The following CRHR2 variants were observed in gnomAD, a reference collection of about 807,000 sequenced individuals.
CRHR2 encodes the protein corticotropin releasing hormone receptor 2.
Under a neutral mutation model 57.9 loss-of-function variants are expected in CRHR2, and 53 were observed. The observed-to-expected ratio is 0.92, with a 90% CI of 0.73 to 1.15. The LOEUF (loss-of-function observed/expected upper bound fraction) is 1.15. Among genes scored for constraint, CRHR2 ranks in the 50% most tolerant of loss-of-function variants. CRHR2 has a pLI of 0.00. For synonymous variants in CRHR2, 213 were observed against 220.9 expected, an observed-to-expected ratio of 0.96 and a Z score of 0.32; for missense variants, 532 against 542.6, an observed-to-expected ratio of 0.98 and a Z score of 0.19.
At chr7:30,659,723 A>G (rs1311979720) in intron 8 of CRHR2, among the ~76,000 whole-genome samples, 1 of 152,254 alleles carries the variant, frequency 6.6e-6, no homozygotes, top group African/African-American at 2.4e-5. Context: ...AATAAAAGAG[A>G]TAAATAATAA....
chr7:30,685,540 T>A (rs770554275), upstream of CRHR2, among the ~76,000 whole-genome samples: 1 of 152,132 alleles, frequency 6.6e-6, no homozygotes, highest in Non-Finnish European at 1.5e-5. Context: ...GGTGCTGCAC[T>A]TTTGCCCTGT....
At position 30,656,356 on chromosome 7, in the gene CRHR2, TC is replaced by T. The variant is rs1783789320; in HGVS notation, c.832-345del. ...TATAGGGACCCTATGGGAGCCCCCT[TC>T]CCCTCACTGCCACGGGGTCCCTACT... On this transcript the variant is annotated intron_variant, in intron 8 of 11. Transcript: ENST00000471646. The surrounding 1 kb of genome is among the most constrained non-coding windows in gnomAD (Gnocchi z 4.4). 6.6e-6 allele frequency among the ~76,000 whole-genome samples: 1 copy of T among 152,144 alleles called. No homozygotes were observed.
At chr7:30,662,101 C>T (rs144460426) in intron 7 of CRHR2, 55 bp downstream of exon 7, 2 of 1,596,148 alleles carry the variant, frequency 1.3e-6, no homozygotes, top group African/African-American at 1.3e-5. Flanking sequence ...GCTGACCTGT[C>T]CTAACACCCC....
chr7:30,655,590 T>C lies in CRHR2; in HGVS notation c.1043A>G (p.Gln348Arg). ...IMFIYFNSFLQSFQGFFVSVF... is the reference protein window; with the variant it reads ...IMFIYFNSFLRSFQGFFVSVF... ...GGTCACAGGCCCCACCTGGAACGAC[T>C]GCAGGAAGGAGTTGAAATAGATGAA... The change falls in exon 10 of 12, where the codon CAG (glutamine) becomes CGG (arginine). Residue 348 changes from glutamine (Q) to arginine (R), a missense_variant. Coordinates refer to ENST00000471646, the MANE Select transcript of CRHR2 (RefSeq NM_001883.5). 1 of 1,613,176 alleles carries C rather than the reference T, an allele frequency of 6.2e-7. No homozygotes were observed.
At chr7:30,686,486 A>G (rs1436193688), upstream of CRHR2, 33 of 1,516,356 alleles carry the variant, frequency 2.2e-5, no homozygotes, top group Admixed American at 5.4e-4. Context: ...TGTTGCATTG[A>G]GGAATTATTT....
intron 5 of CRHR2, among the ~76,000 whole-genome samples, chr7:30,664,013 G>A (rs1584096155): frequency 6.6e-6 from 1 of 152,310 alleles, no homozygotes; most frequent in Admixed American, 6.5e-5. Flanking sequence ...AAGTCCTGCT[G>A]AGGTGGGAAG....
At chr7:30,686,114 C>G (rs1174035409), upstream of CRHR2, among the ~76,000 whole-genome samples, 2 of 152,216 alleles carry the variant, frequency 1.3e-5, no homozygotes, top group Non-Finnish European at 2.9e-5. Flanking sequence ...GTGTCACTAC[C>G]AGAAACCATT....
intron 1 of CRHR2, chr7:30,689,314 A>G: frequency 2.0e-6 from 3 of 1,534,572 alleles, no homozygotes; most frequent in Non-Finnish European, 2.6e-6. Flanking sequence ...AGGGTCAAAG[A>G]TCAGGCCCAG....
intron 1 of CRHR2, among the ~76,000 whole-genome samples, chr7:30,694,558 C>G (rs1400863226): frequency 6.6e-6 from 1 of 152,208 alleles, no homozygotes; most frequent in East Asian, 1.9e-4. Context: ...GGGAGATTTA[C>G]AGGACCATGT....
intron 6 of CRHR2, 67 bp from the exon 7 acceptor site, chr7:30,662,283 TG>T: frequency 3.2e-6 from 5 of 1,560,422 alleles, no homozygotes; most frequent in Non-Finnish European, 4.4e-6. Context: ...GGACATACCG[TG>T]GGGTACCACA....
chr7:30,659,576 C>T (rs1053453649), intron 8 of CRHR2, among the ~76,000 whole-genome samples: 30 of 152,144 alleles, frequency 2.0e-4, no homozygotes, highest in African/African-American at 5.8e-4. Context: ...GCCTCTGAAG[C>T]GAACCAAGCC....
At chr7:30,679,413 A>G (rs1784624272) in intron 2 of CRHR2, among the ~76,000 whole-genome samples, 1 of 152,178 alleles carries the variant, frequency 6.6e-6, no homozygotes, top group African/African-American at 2.4e-5. Context: ...CTTGCCTGCA[A>G]TATGGGCATA....
rs538408922 is a variant in CRHR2, at chr7:30,655,446, C to T, written c.1053+134G>A. On this transcript the variant is annotated intron_variant, in intron 10 of 11. Coordinates refer to ENST00000471646, the MANE Select transcript of CRHR2 (RefSeq NM_001883.5). Reference sequence around the variant, plus strand: ...TGGCCAGGCTCAGGCTGAGCATGTACGGGCTTCTAACTCTGTGGATGTAAC... The same window carrying T: ...TGGCCAGGCTCAGGCTGAGCATGTATGGGCTTCTAACTCTGTGGATGTAAC... 100 of 1,144,250 alleles carry T rather than the reference C, an allele frequency of 8.7e-5. 1 individual carries two copies. In the South Asian group the frequency reaches 1.2e-3, roughly 14 times the overall value. 70.9% of individuals were successfully genotyped at this position (1,144,250 alleles called of 1,614,324 possible).
At chr7:30,681,241 A>G (rs1784695439) in intron 2 of CRHR2, among the ~76,000 whole-genome samples, 1 of 152,090 alleles carries the variant, frequency 6.6e-6, no homozygotes, top group Admixed American at 6.5e-5. Flanking sequence ...TCTCCTTGAG[A>G]GATGGTGTTG....
intron 1 of CRHR2, among the ~76,000 whole-genome samples, chr7:30,690,436 G>C (rs1164781746): frequency 6.8e-6 from 1 of 147,942 alleles, no homozygotes; most frequent in African/African-American, 2.5e-5. Context: ...GTGTGTGTGA[G>C]TACATGCACA....
intron 1 of CRHR2, among the ~76,000 whole-genome samples, chr7:30,697,654 G>C (rs1394492318): frequency 6.6e-6 from 1 of 152,082 alleles, no homozygotes; most frequent in Non-Finnish European, 1.5e-5. Flanking sequence ...GATCAGACCA[G>C]GCACCTCCCC....
In CRHR2 at chr7:30,656,898, A is replaced by G. The variant is rs930600089; in HGVS notation, c.832-886T>C. On this transcript the variant is annotated intron_variant, in intron 8 of 11. Coordinates refer to ENST00000471646, the MANE Select transcript of CRHR2 (RefSeq NM_001883.5). This position sits in a 1 kb window ranked among gnomAD's most constrained non-coding sequence, Gnocchi z 4.4. ...TCACAGAGCGTGTGCATGTGTGAGC[A>G]TGGATCTGGGGCCCGGGCACATCTG... 2.0e-5 allele frequency among the ~76,000 whole-genome samples: 3 copies of G among 152,158 alleles called. No homozygotes were observed. Among genetic ancestry groups the G allele is most frequent in the African/African-American group, 7.2e-5 (3 of 41,450 alleles).
At chr7:30,694,036 G>A (rs1785010150) in intron 1 of CRHR2, among the ~76,000 whole-genome samples, 1 of 152,152 alleles carries the variant, frequency 6.6e-6, no homozygotes, top group African/African-American at 2.4e-5. Flanking sequence ...GGGAGCACAG[G>A]GTCCACATCT....
chr7:30,698,154 G>C (rs1785093594), intron 1 of CRHR2: 1 of 152,344 alleles, frequency 6.6e-6, no homozygotes, highest in Non-Finnish European at 1.5e-5. Context: ...GGCCCCGTGA[G>C]AGGAAGGCTG....
Sources: allele counts gnomAD v4.1 joint callset (sites outside exome capture counted in the v4.1 genomes callset), GRCh38; gene constraint gnomAD v4.1.1; non-coding constraint Gnocchi (gnomAD v3.1); transcripts MANE v1.5; gene names NCBI Gene and HGNC (gene_info 2026-07-23, HGNC 2026-07-21).